ZFR2: variants seen among roughly 807,000 people sequenced by gnomAD.
ZFR2 encodes zinc finger RNA binding protein 2.
A neutral mutation model predicts 105.7 loss-of-function variants in ZFR2; 104 were observed. The observed-to-expected ratio is 0.98, with a 90% CI of 0.84 to 1.16. The LOEUF (loss-of-function observed/expected upper bound fraction) is 1.16. Ranked by LOEUF, ZFR2 falls within the 50% of genes most tolerant of loss-of-function variation. The probability of loss-of-function intolerance (pLI) is 0.00; values close to 1 mark genes in which losing one functional copy is unlikely to be tolerated. For synonymous variants in ZFR2, 634 were observed against 597.7 expected, an observed-to-expected ratio of 1.06 and a Z score of -0.89; for missense variants, 1,425 against 1,355.5, an observed-to-expected ratio of 1.05 and a Z score of -0.80.
chr19:3,836,264 C>G (rs974979296), intron 1 of ZFR2, among the ~76,000 whole-genome samples: 2 of 152,118 alleles, frequency 1.3e-5, no homozygotes, highest in Admixed American at 1.3e-4. Flanking sequence ...CCACCCTTGG[C>G]TGGTTGAATC....
chr19:3,827,330 G>T, intron 6 of ZFR2, 141 bp downstream of exon 6: 1 of 948,334 alleles, frequency 1.1e-6, no homozygotes, highest in Non-Finnish European at 1.5e-6. Flanking sequence ...GGGCCTGGGC[G>T]GCTGGCCCTT....
Position 3,838,089 on chromosome 19 carries a change from GCGATGAACACCGTGACCGTGACACT to G in ZFR2, c.54-3131_54-3107del, listed in dbSNP as rs2038096874. Among the ~76,000 whole-genome samples, 2 of 127,412 alleles carry G rather than the reference GCGATGAACACCGTGACCGTGACACT, an allele frequency of 1.6e-5. No individual in the cohort carries two copies. The highest frequency in any genetic ancestry group is 3.3e-5 in the Non-Finnish European group (2 of 60,296). The allele number at this position is 127,412 out of a possible 152,430, so 83.6% of individuals were successfully genotyped here. A position where few individuals can be genotyped will look rare whatever the true frequency, so the allele number is the denominator to read the frequency against. On this transcript the variant is annotated intron_variant, in intron 1 of 18. Transcript: ENST00000262961. This position sits in a 1 kb window ranked among gnomAD's most constrained non-coding sequence, Gnocchi z 4.9. ...GTGATGAACACCATGACCGTGACAC[GCGATGAACACCGTGACCGTGACACT>G]CGATGAACACCGTGACTGTGACACA... is the stretch of plus-strand genomic sequence containing the variant.
chr19:3,843,983 G>A (rs2038160574), intron 1 of ZFR2, among the ~76,000 whole-genome samples: 1 of 123,830 alleles, frequency 8.1e-6, no homozygotes, highest in African/African-American at 3.0e-5. Context: ...CCCTAGAGGT[G>A]TCAGATTCAC....
chr19:3,845,559 A>C (rs2145175761), intron 1 of ZFR2, among the ~76,000 whole-genome samples: 2 of 151,272 alleles, frequency 1.3e-5, no homozygotes, highest in East Asian at 3.9e-4. Flanking sequence ...TGGGAGGCTG[A>C]GGCAGGAGGA....
Position 3,868,988 on chromosome 19 carries a change from CG to C in ZFR2, c.29del (p.Ala10GlyfsTer36), listed in dbSNP as rs2038468495. On this transcript the variant is annotated frameshift_variant, in exon 1 of 19. Coordinates refer to ENST00000262961, the MANE Select transcript of ZFR2 (RefSeq NM_015174.2). LOFTEE classifies it high-confidence loss of function. ...ACCTGTACTGCGGGCCGCCGCCCTGCGCGAAGTCGAAATACTGACTCGTCGC... is the reference window on the plus strand; with the variant it reads ...ACCTGTACTGCGGGCCGCCGCCCTGCCGAAGTCGAAATACTGACTCGTCGC... The part of the protein sequence containing the change: MATSQYFDF[A>X]QGGGPQYSAQ... 1.5e-6 allele frequency: 2 copies of C among 1,377,368 alleles called. No individual in the cohort carries two copies. Among genetic ancestry groups the C allele is most frequent in the Non-Finnish European group, 1.9e-6 (2 of 1,055,342 alleles). 85.3% of individuals were successfully genotyped at this position (1,377,368 alleles called of 1,614,324 possible). A position where few individuals can be genotyped will look rare whatever the true frequency, so the allele number is the denominator to read the frequency against.
chr19:3,826,415 G>A (rs62132978), intron 6 of ZFR2, among the ~76,000 whole-genome samples: 23,015 of 151,304 alleles, frequency 0.15, 2,105 homozygotes, highest in East Asian at 0.29. Flanking sequence ...CCTCCCCGCC[G>A]AACATGACGA....
rs768633646 is a variant in ZFR2, at chr19:3,808,918, T to C, written c.2499A>G (p.Ala833=). The change falls in exon 17 of 19, where the codon GCA becomes GCG. Residue 833 remains alanine (A), a synonymous_variant. Transcript: ENST00000262961. The stretch of plus-strand genomic sequence containing the variant: ...CCACGCACTCCAGGACTCGCCTGAC[T>C]GCATCCCCGGGGCCCAGGGGCCCAG... The part of the protein sequence containing the change: ...SAAGPLGPGD[A]VRRVLECVAT... 2 of 1,570,920 alleles carry C rather than the reference T, an allele frequency of 1.3e-6. No individual in the cohort carries two copies. Among genetic ancestry groups the C allele is most frequent in the Admixed American group, 1.8e-5 (1 of 54,578 alleles).
Position 3,834,837 on chromosome 19 carries a change from T to C in ZFR2, c.200A>G (p.Asp67Gly). The C allele has an allele frequency of 6.2e-7, 1 of 1,612,226 alleles. No individual in the cohort carries two copies. The highest frequency in any genetic ancestry group is 8.5e-7 in the Non-Finnish European group (1 of 1,179,444). ...CTGGGGTCGGCTGCCGTAGGCGAAG[T>C]CCTGGCCGGAGTGGGGCTGGTATCC... is the stretch of plus-strand genomic sequence containing the variant. ...YGGYQPHSGQ[D>G]FAYGSRPQEP... The change falls in exon 2 of 19, where the codon GAC becomes GGC. Residue 67 changes from aspartate (D) to glycine (G), a missense_variant. Physicochemically the swap from Asp to Gly is moderately conservative, Grantham distance 94. Transcript: ENST00000262961. This position sits in a 1 kb window ranked among gnomAD's most constrained non-coding sequence, Gnocchi z 5.3.
rs200241803 is a variant in ZFR2, at chr19:3,831,866, G to A, written c.392C>T (p.Ala131Val). Reference protein sequence around the residue: ...ADSGQPGTQEACGQPSPHGSH... With the variant: ...ADSGQPGTQEVCGQPSPHGSH... ...GCCATGGGGGCTGGGCTGCCCGCAGGCTTCTTGGGTCCCTAGGGGACAGGG... is the reference window on the plus strand; with the variant it reads ...GCCATGGGGGCTGGGCTGCCCGCAGACTTCTTGGGTCCCTAGGGGACAGGG... The change falls in exon 4 of 19, where the codon GCC becomes GTC. Residue 131 changes from alanine to valine, a missense_variant. By Grantham distance (64) the Ala-to-Val change is moderately conservative. Coordinates refer to ENST00000262961, the MANE Select transcript of ZFR2 (RefSeq NM_015174.2). The A allele has an allele frequency of 3.8e-6, 6 of 1,581,072 alleles. No homozygotes were observed. In the African/African-American group the frequency reaches 5.4e-5, roughly 14 times the overall value.
chr19:3,851,127 G>C (rs1167400731), intron 1 of ZFR2, among the ~76,000 whole-genome samples: 1 of 152,044 alleles, frequency 6.6e-6, no homozygotes, highest in African/African-American at 2.4e-5. Flanking sequence ...AGCCCCAGCC[G>C]ACCAAGACAG....
intron 1 of ZFR2, among the ~76,000 whole-genome samples, chr19:3,849,823 T>A (rs2145179988): frequency 6.6e-6 from 1 of 152,302 alleles, no homozygotes; most frequent in African/African-American, 2.4e-5. Flanking sequence ...TGGAATCCAC[T>A]GAGCCAGGGC....
chr19:3,820,587 C>T (rs1386076964), intron 10 of ZFR2, among the ~76,000 whole-genome samples: 2 of 152,146 alleles, frequency 1.3e-5, no homozygotes, highest in African/African-American at 2.4e-5. Context: ...GCTGGACACA[C>T]CAGAGTCAGA....
intron 1 of ZFR2, chr19:3,855,372 A>G (rs1382030439): frequency 8.1e-7 from 1 of 1,231,218 alleles, no homozygotes; most frequent in Non-Finnish European, 1.0e-6. Context: ...TGCGGGTTGC[A>G]CTATGAGAAA....
Position 3,825,251 on chromosome 19 carries a change from C to G in ZFR2, c.1192G>C (p.Ala398Pro). 1.3e-6 allele frequency: 2 copies of G among 1,551,510 alleles called. No homozygotes were observed. Among genetic ancestry groups the G allele is most frequent in the South Asian group, 2.4e-5 (2 of 81,690 alleles). The change falls in exon 7 of 19, where the codon GCC (alanine) becomes CCC (proline). Residue 398 changes from alanine to proline, a missense_variant. Coordinates refer to ENST00000262961, the MANE Select transcript of ZFR2 (RefSeq NM_015174.2). ...GTACCCTCGCATAAGGCCTTCGAGGCCACGGGTCTCTTGGCCAGCGCTGGC... is the reference window on the plus strand; with the variant it reads ...GTACCCTCGCATAAGGCCTTCGAGGGCACGGGTCTCTTGGCCAGCGCTGGC... ...SRPALAKRPV[A>P]SKALCEGPPE...
rs1336152345 is a variant in ZFR2 at position 3,821,608 on chromosome 19, T to C, written c.1492-129A>G. 1.7e-5 allele frequency: 4 copies of C among 237,464 alleles called. No individual in the cohort carries two copies. In the East Asian group the frequency reaches 5.8e-4, roughly 35 times the overall value. The allele number at this position is 237,464 out of a possible 1,614,324, so 14.7% of individuals were successfully genotyped here. ...GGCTGAAAAATCTCCCAAAGCCTTT[T>C]TTTTTTTTTTTTTTTTTTTTTCGAG... On this transcript the variant is annotated intron_variant, in intron 9 of 18. Coordinates refer to ENST00000262961, the MANE Select transcript of ZFR2 (RefSeq NM_015174.2).
At chr19:3,857,929 A>C (rs1467048017) in intron 1 of ZFR2, among the ~76,000 whole-genome samples, 1 of 152,118 alleles carries the variant, frequency 6.6e-6, no homozygotes, top group Non-Finnish European at 1.5e-5. Flanking sequence ...AGCCCAGGCT[A>C]ACATGGACTT....
intron 12 of ZFR2, 96 bp downstream of exon 12, chr19:3,818,949 C>T: frequency 6.9e-7 from 1 of 1,443,234 alleles, no homozygotes; most frequent in South Asian, 1.4e-5. Context: ...GGCTCCAGGC[C>T]CATCAGAGCT....
chr19:3,833,824 C>A (rs1214584879), intron 2 of ZFR2, 46 bp from the exon 3 acceptor site: 2 of 1,485,286 alleles, frequency 1.3e-6, no homozygotes, highest in Non-Finnish European at 9.2e-7. Context: ...CGGAGGAGAG[C>A]AGCTCAGGCG....
rs551350038 is a variant in ZFR2, at chr19:3,845,655, C to T, written c.54-10672G>A. On this transcript the variant is annotated intron_variant, in intron 1 of 18. Transcript: ENST00000262961. ...AAAAAAAAAAAAAAAATTAGCCAGG[C>T]GTGGTGGTGTGCACCTGTAGTTCCA... is the stretch of plus-strand genomic sequence containing the variant. Among the ~76,000 whole-genome samples the T allele has an allele frequency of 1.0e-4, 15 of 150,198 alleles. No individual in the cohort carries two copies. In the East Asian group the frequency reaches 1.8e-3, roughly 18 times the overall value.
Sources: allele counts gnomAD v4.1 joint callset (sites outside exome capture counted in the v4.1 genomes callset), GRCh38; gene constraint gnomAD v4.1.1; non-coding constraint Gnocchi (gnomAD v3.1); transcripts MANE v1.5; gene names NCBI Gene and HGNC (gene_info 2026-07-23, HGNC 2026-07-21).